FAM47E: variants seen among roughly 807,000 people sequenced by gnomAD.
FAM47E encodes the protein protein FAM47E.
In FAM47E, 32 loss-of-function variants were observed where a neutral mutation model predicts 41.6. The observed-to-expected ratio is 0.77, with a 90% confidence interval of 0.58 to 1.03. FAM47E has a LOEUF of 1.03. FAM47E is among the 50% of genes least tolerant of loss of function. The probability of loss-of-function intolerance (pLI) is 0.00; values close to 1 mark genes in which losing one functional copy is unlikely to be tolerated. For synonymous variants in FAM47E, 184 were observed against 188.7 expected (o/e 0.98, Z 0.20); for missense variants, 424 against 485.4 (o/e 0.87, Z 1.19).
At chr4:76,229,401 G>C (rs1450552406) in intron 2 of FAM47E, among the ~76,000 whole-genome samples, 1 of 152,144 alleles carries the variant, frequency 6.6e-6, no homozygotes, top group Non-Finnish European at 1.5e-5. Context: ...TGGTTTTGTG[G>C]GGTGTTATAG....
At chr4:76,231,227 G>A (rs1416557663) in intron 2 of FAM47E, among the ~76,000 whole-genome samples, 1 of 152,146 alleles carries the variant, frequency 6.6e-6, no homozygotes, top group African/African-American at 2.4e-5. Flanking sequence ...AGCTCCCTTG[G>A]TCTTATTTTC....
upstream of FAM47E, among the ~76,000 whole-genome samples, chr4:76,250,577 A>C (rs1314055360): frequency 1.3e-5 from 2 of 152,158 alleles, no homozygotes; most frequent in Non-Finnish European, 1.5e-5. Context: ...TTGTTTGGGC[A>C]AATTGTTACA....
Position 76,222,478 on chromosome 4 carries a change from T to C in FAM47E, c.81+4790T>C, listed in dbSNP as rs544307993. 2.2e-4 allele frequency among the ~76,000 whole-genome samples: 34 copies of C among 152,334 alleles called. 1 individual carries two copies. The South Asian group carries it at 7.0e-3, about 32-fold the overall frequency. Reference sequence around the variant, plus strand: ...CCTGACTTCAGGTGATCCACCTGCCTCGGCCTTCCAAAGTGCTGGGATTAC... The same window carrying C: ...CCTGACTTCAGGTGATCCACCTGCCCCGGCCTTCCAAAGTGCTGGGATTAC... On this transcript the variant is annotated intron_variant, in intron 2 of 7. Coordinates refer to the FAM47E transcript ENST00000510197.
chr4:76,232,625 T>G (rs1733513374), intron 2 of FAM47E, among the ~76,000 whole-genome samples: 1 of 152,182 alleles, frequency 6.6e-6, no homozygotes, highest in African/African-American at 2.4e-5. Flanking sequence ...TGTATTAATA[T>G]TACTCACAAA....
chr4:76,234,976 G>C (rs1029706859), intron 2 of FAM47E, among the ~76,000 whole-genome samples: 1 of 152,014 alleles, frequency 6.6e-6, no homozygotes, highest in African/African-American at 2.4e-5. Context: ...TAAGATAGTA[G>C]GGACAGGGTG....
intron 7 of FAM47E, chr4:76,283,088 A>G: frequency 4.1e-6 from 1 of 245,012 alleles, no homozygotes; most frequent in Non-Finnish European, 8.0e-6. Context: ...GCACGGATGG[A>G]TCCCAAGCCT....
intron 3 of FAM47E, chr4:76,267,935 G>T (rs1734710419): frequency 6.6e-6 from 1 of 152,292 alleles, no homozygotes; most frequent in East Asian, 1.9e-4. Flanking sequence ...TTCTTTCGGG[G>T]TAATAAAAAT....
At chr4:76,279,196 T>C (rs1383460548) in intron 6 of FAM47E, 1 of 152,184 alleles carries the variant, frequency 6.6e-6, no homozygotes, top group Admixed American at 6.5e-5. Flanking sequence ...AATTTCTTAG[T>C]ATGGTTTTTG....
At chr4:76,241,350 T>A (rs1052419641) in intron 2 of FAM47E, among the ~76,000 whole-genome samples, 1 of 151,892 alleles carries the variant, frequency 6.6e-6, no homozygotes, top group African/African-American at 2.4e-5. Context: ...GGAGGTGGAG[T>A]TTGCCACAAT....
intron 2 of FAM47E, 67 bp downstream of exon 2, chr4:76,256,590 C>A (rs1578777916): frequency 2.1e-6 from 3 of 1,451,878 alleles, no homozygotes; most frequent in East Asian, 5.0e-5. Flanking sequence ...ATCTAAATGT[C>A]TAGGAAGTCC....
intron 2 of FAM47E, among the ~76,000 whole-genome samples, chr4:76,219,120 TTAAGAG>T (rs1380171842): frequency 6.6e-6 from 1 of 152,104 alleles, no homozygotes; most frequent in Non-Finnish European, 1.5e-5. Context: ...CTCATGCTTA[TTAAGAG>T]TAAAAGGAAA....
chr4:76,273,380 G>C (rs1734970180), intron 5 of FAM47E, among the ~76,000 whole-genome samples: 1 of 152,198 alleles, frequency 6.6e-6, no homozygotes, highest in Non-Finnish European at 1.5e-5. Context: ...GGGGAATTTT[G>C]TATTTTGTGG....
chr4:76,263,829 A>G lies in FAM47E; in HGVS notation c.546A>G (p.Gln182=). The G allele has an allele frequency of 1.3e-6, 2 of 1,551,306 alleles. No homozygotes were observed. Among genetic ancestry groups the G allele is most frequent in the Non-Finnish European group, 1.7e-6 (2 of 1,146,710 alleles). Residue 182 remains glutamine (Q), a synonymous_variant, in exon 3 of 8, where the codon CAA becomes CAG. Transcript: ENST00000424749. ...PTKLLKKHST[Q]VYLGPSKKTS... is the part of the protein sequence containing the mutation. Reference sequence around the variant, plus strand: ...AGCTTTTAAAAAAACATTCTACCCAAGTCTACCTGGGACCGTGAGTATTGT... The same window carrying G: ...AGCTTTTAAAAAAACATTCTACCCAGGTCTACCTGGGACCGTGAGTATTGT...
At chr4:76,217,651 A>C (rs562623143) in exon 2 of FAM47E, 16 of 654,568 alleles carry the variant, frequency 2.4e-5, no homozygotes, top group Non-Finnish European at 4.5e-5. Context: ...CTGCAGAACC[A>C]TGAGCCAAAT....
chr4:76,256,105 C>A (rs1560742294), intron 1 of FAM47E, 73 bp from the exon 2 acceptor site: 19 of 1,464,976 alleles, frequency 1.3e-5, no homozygotes, highest in Non-Finnish European at 1.4e-5. Context: ...CTCCTTCTCC[C>A]ACCCAAGTCC....
chr4:76,280,432 A>C, intron 7 of FAM47E, 91 bp downstream of exon 7: 1 of 700,922 alleles, frequency 1.4e-6, no homozygotes, highest in Non-Finnish European at 2.4e-6. Context: ...GACAAACCCA[A>C]ATAGTTCTCT....
intron 1 of FAM47E, among the ~76,000 whole-genome samples, chr4:76,253,441 G>A (rs1373894715): frequency 6.6e-6 from 1 of 152,132 alleles, no homozygotes; most frequent in Non-Finnish European, 1.5e-5. Context: ...CATATATCAT[G>A]TACTAGTGTC....
At position 76,219,073 on chromosome 4, in the gene FAM47E, G is replaced by T. The variant is rs60787535; in HGVS notation, c.81+1385G>T. Among the ~76,000 whole-genome samples, 455 of 152,288 alleles carry T rather than the reference G, an allele frequency of 3.0e-3. 6 individuals carry two copies. The highest frequency in any genetic ancestry group is 0.01 in the African/African-American group (428 of 41,556). On this transcript the variant is annotated intron_variant, in intron 2 of 7. Transcript: ENST00000510197. ...CAAGTCAGTCAGATGCTTTAGCCAG[G>T]CTCTTAACCCCTTAGCCACTGCTTG...
At chr4:76,261,806 AC>A (rs1372896123) in intron 2 of FAM47E, among the ~76,000 whole-genome samples, 3 of 152,048 alleles carry the variant, frequency 2.0e-5, no homozygotes, top group Non-Finnish European at 4.4e-5. Flanking sequence ...CTGCACATGT[AC>A]CCCCGAATCT....
Sources: allele counts gnomAD v4.1 joint callset (sites outside exome capture counted in the v4.1 genomes callset), GRCh38; gene constraint gnomAD v4.1.1; transcripts MANE v1.5; gene names NCBI Gene and HGNC (gene_info 2026-07-23, HGNC 2026-07-21).